The following MTFR1 variants were observed in gnomAD, a reference collection of about 807,000 sequenced individuals.
MTFR1 encodes chondrocyte protein with a poly-proline region.
MTFR1 carries 28 observed loss-of-function variants against 38.8 expected under a neutral mutation model. The observed-to-expected ratio is 0.72, with a 90% CI of 0.53 to 0.99. The LOEUF (loss-of-function observed/expected upper bound fraction) is 0.99. Ranked by LOEUF, MTFR1 falls within the 50% of genes least tolerant of loss-of-function variation. The pLI is 0.00. For synonymous variants in MTFR1, 145 were observed against 137.0 expected, an observed-to-expected ratio of 1.06 and a Z score of -0.41; for missense variants, 358 against 395.5, an observed-to-expected ratio of 0.91 and a Z score of 0.81.
intron 1 of MTFR1, among the ~76,000 whole-genome samples, chr8:65,649,374 C>G (rs530955156): frequency 6.6e-6 from 1 of 152,022 alleles, no homozygotes; most frequent in African/African-American, 2.4e-5. Context: ...TTAGGAGAGA[C>G]AGCGTTTCAC....
At chr8:65,770,119 TTCTGTGTG>T (rs1414576097) in intron 3 of MTFR1, among the ~76,000 whole-genome samples, 4 of 120,624 alleles carry the variant, frequency 3.3e-5, no homozygotes, top group East Asian at 5.3e-4. Context: ...TGCAGTATAC[TTCTGTGTG>T]TGTGTGTGTG....
intron 3 of MTFR1, chr8:65,724,991 AC>A: frequency 9.7e-7 from 1 of 1,030,342 alleles, no homozygotes; most frequent in Non-Finnish European, 1.4e-6. Context: ...TTTTTTCTTA[AC>A]CATAATAATC....
intron 3 of MTFR1, among the ~76,000 whole-genome samples, chr8:65,726,537 G>A (rs1806620250): frequency 6.6e-6 from 1 of 151,952 alleles, no homozygotes. Context: ...TTTATACCTA[G>A]ACCTTAAGGT....
At chr8:65,734,076 C>G (rs903941809) in intron 3 of MTFR1, among the ~76,000 whole-genome samples, 62 of 152,152 alleles carry the variant, frequency 4.1e-4, no homozygotes, top group African/African-American at 1.5e-3. Flanking sequence ...TAACTCTATA[C>G]TAGACCTCTA....
At chr8:65,713,437 CAA>C (rs1330213639), downstream of MTFR1, among the ~76,000 whole-genome samples, 3 of 98,810 alleles carry the variant, frequency 3.0e-5, no homozygotes, top group Non-Finnish European at 6.5e-5. Context: ...ACTCCCATCT[CAA>C]ACACACACAC....
chr8:65,691,488 G>A (rs1380502300), intron 3 of MTFR1, among the ~76,000 whole-genome samples: 1 of 151,994 alleles, frequency 6.6e-6, no homozygotes, highest in Non-Finnish European at 1.5e-5. Flanking sequence ...CAGGTGTTTT[G>A]CCATGTTGCC....
chr8:65,726,970 C>G, intron 3 of MTFR1: 1 of 1,530,332 alleles, frequency 6.5e-7, no homozygotes, highest in Non-Finnish European at 9.0e-7. Context: ...AGGTATTCTA[C>G]AACAAAGGAC....
chr8:65,751,078 G>A (rs1807930487), intron 3 of MTFR1, among the ~76,000 whole-genome samples: 1 of 152,200 alleles, frequency 6.6e-6, no homozygotes. Context: ...CATGGAGCCT[G>A]TCTAGATGAA....
At chr8:65,723,699 C>T in intron 3 of MTFR1, 3 of 980,464 alleles carry the variant, frequency 3.1e-6, no homozygotes, top group Non-Finnish European at 4.2e-6. Context: ...TTGAACATAC[C>T]TGTGCATTTC....
chr8:65,673,411 C>T (rs1804621479), intron 2 of MTFR1, among the ~76,000 whole-genome samples: 2 of 138,966 alleles, frequency 1.4e-5, no homozygotes, highest in Non-Finnish European at 3.0e-5. Context: ...ATGCATAAGT[C>T]AGGGCCTGGC....
At chr8:65,701,143 T>G (rs1357400536) in intron 4 of MTFR1, among the ~76,000 whole-genome samples, 1 of 152,234 alleles carries the variant, frequency 6.6e-6, no homozygotes, top group Non-Finnish European at 1.5e-5. Context: ...TTCCTCTTTC[T>G]CTAATATCTG....
chr8:65,774,899 C>T (rs536928738), downstream of MTFR1, among the ~76,000 whole-genome samples: 1 of 152,056 alleles, frequency 6.6e-6, no homozygotes, highest in Non-Finnish European at 1.5e-5. Context: ...TCCACTGTAT[C>T]CTTGAGAGAG....
intron 1 of MTFR1, among the ~76,000 whole-genome samples, chr8:65,661,925 C>T (rs1367203245): frequency 1.3e-5 from 2 of 152,112 alleles, no homozygotes; most frequent in African/African-American, 4.8e-5. Flanking sequence ...GATCACACCA[C>T]TGTACTCCAG....
chr8:65,735,810 C>A (rs1390092978), intron 3 of MTFR1, among the ~76,000 whole-genome samples: 4 of 151,804 alleles, frequency 2.6e-5, no homozygotes. Flanking sequence ...ATTTTTGTCA[C>A]AATGGGGTTT....
chr8:65,777,123 C>A, the MTFR1 span, among the ~76,000 whole-genome samples: 6 of 138,552 alleles, frequency 4.3e-5, no homozygotes, highest in Non-Finnish European at 9.2e-5. Flanking sequence ...GTTCTTGTTG[C>A]CCAGACTGGA....
intron 3 of MTFR1, chr8:65,723,459 T>C: frequency 8.1e-7 from 1 of 1,231,274 alleles, no homozygotes; most frequent in Non-Finnish European, 1.1e-6. Flanking sequence ...AATTTTAATA[T>C]TTTATATTTC....
intron 5 of MTFR1, 118 bp downstream of exon 5, chr8:65,705,047 C>T: frequency 1.1e-6 from 1 of 897,356 alleles, no homozygotes; most frequent in Non-Finnish European, 1.7e-6. Context: ...AGGTGTCATC[C>T]AGGTACGGTG....
chr8:65,705,980 A>G (rs898930598), intron 5 of MTFR1, among the ~76,000 whole-genome samples: 2 of 152,120 alleles, frequency 1.3e-5, no homozygotes, highest in Admixed American at 6.5e-5. Flanking sequence ...GCCTGGCAAG[A>G]CTCAGTATTA....
At chr8:65,751,933 C>G (rs935120697) in intron 3 of MTFR1, among the ~76,000 whole-genome samples, 2 of 152,198 alleles carry the variant, frequency 1.3e-5, no homozygotes, top group Non-Finnish European at 2.9e-5. Context: ...AGTGCATAGA[C>G]ACCTTCCCTG....
Sources: gnomAD v4.1 joint callset for allele counts (sites outside exome capture counted in the v4.1 genomes callset) on GRCh38, gnomAD v4.1.1 for gene constraint, MANE v1.5 for transcripts, NCBI Gene and HGNC (gene_info 2026-07-23, HGNC 2026-07-21) for gene names.